The following CTTNBP2NL variants were observed in gnomAD, a reference collection of about 807,000 sequenced individuals.
The protein encoded by CTTNBP2NL is CTTNBP2 N-terminal like.
CTTNBP2NL carries 16 observed loss-of-function variants against 32.5 expected under a neutral mutation model. The ratio of observed to expected loss-of-function variants is 0.49; its 90% CI spans 0.33 to 0.75. The LOEUF is 0.75. CTTNBP2NL is among the 30% of genes least tolerant of loss of function. CTTNBP2NL has a pLI of 0.02. For synonymous variants in CTTNBP2NL, 298 were observed against 289.4 expected, an observed-to-expected ratio of 1.03 and a Z score of -0.30; for missense variants, 645 against 756.0, an observed-to-expected ratio of 0.85 and a Z score of 1.72.
At chr1:112,412,482 T>C (rs182416061) in intron 2 of CTTNBP2NL, among the ~76,000 whole-genome samples, 165 bp downstream of exon 2, 37 of 152,294 alleles carry the variant, frequency 2.4e-4, no homozygotes, top group Non-Finnish European at 2.4e-4. Context: ...TTAATACTTA[T>C]AAATGGTGGT....
upstream of CTTNBP2NL, among the ~76,000 whole-genome samples, chr1:112,393,357 A>T (rs1010239111): frequency 6.6e-6 from 1 of 152,180 alleles, no homozygotes; most frequent in Non-Finnish European, 1.5e-5. Flanking sequence ...AAATTTACTT[A>T]TTTGGAAAAA....
In CTTNBP2NL at chr1:112,457,203, A is replaced by G. The variant is rs776552777; in HGVS notation, c.1711A>G (p.Ile571Val). 37 of 1,614,084 alleles carry G rather than the reference A, an allele frequency of 2.3e-5. No individual in the cohort carries two copies. Among genetic ancestry groups the G allele is most frequent in the Non-Finnish European group, 3.1e-5 (36 of 1,180,010 alleles). ...GTCTCCAGGAATCAAGTCCCCAACC[A>G]TCCCCAGAGCTGAGAGAGGAAACCC... ...PLSPGIKSPT[I>V]PRAERGNPPP... is the part of the protein sequence containing the mutation. Residue 571 changes from isoleucine (I) to valine (V), a missense_variant, in exon 6 of 6, where the codon ATC (isoleucine) becomes GTC (valine). Transcript: ENST00000271277.
chr1:112,394,141 G>C (rs773247415), upstream of CTTNBP2NL, among the ~76,000 whole-genome samples: 1 of 151,682 alleles, frequency 6.6e-6, no homozygotes, highest in East Asian at 1.9e-4. Context: ...AGAAGGCGGA[G>C]GTTGTAGTGA....
At chr1:112,431,845 A>G (rs1353220854) in intron 3 of CTTNBP2NL, among the ~76,000 whole-genome samples, 1 of 152,090 alleles carries the variant, frequency 6.6e-6, no homozygotes, top group Non-Finnish European at 1.5e-5. Context: ...AAATGTATAT[A>G]TATTCTTGGA....
chr1:112,432,126 T>C (rs1649584504), intron 3 of CTTNBP2NL, among the ~76,000 whole-genome samples: 1 of 136,786 alleles, frequency 7.3e-6, no homozygotes, highest in African/African-American at 2.9e-5. Flanking sequence ...CAGGCTGGAG[T>C]GCAGTGGCAT....
At chr1:112,436,493 C>T (rs1160878779) in intron 3 of CTTNBP2NL, among the ~76,000 whole-genome samples, 1 of 152,096 alleles carries the variant, frequency 6.6e-6, no homozygotes, top group African/African-American at 2.4e-5. Flanking sequence ...CTTATCCATC[C>T]ATATCCCAAT....
chr1:112,395,565 T>G (rs1250611390), upstream of CTTNBP2NL, among the ~76,000 whole-genome samples: 1 of 152,144 alleles, frequency 6.6e-6, no homozygotes. Flanking sequence ...CCACACAAAT[T>G]TGCAATTATT....
rs573913398 is a variant in CTTNBP2NL at position 112,452,044 on chromosome 1, T to C, written c.331-2405T>C. ...TTTTAGTCTTTTTATTCCATTTCTG[T>C]AATTTTTGAGGACTCCCAAAAGGGA... is the stretch of plus-strand genomic sequence containing the variant. On this transcript the variant is annotated intron_variant, in intron 4 of 5. Coordinates refer to ENST00000271277, the MANE Select transcript of CTTNBP2NL (RefSeq NM_018704.3). Among the ~76,000 whole-genome samples the C allele has an allele frequency of 6.6e-4, 100 of 152,284 alleles. 2 individuals are homozygous for C. In the South Asian group the frequency reaches 0.019, roughly 30 times the overall value.
chr1:112,428,047 T>C (rs1484459527), intron 3 of CTTNBP2NL, among the ~76,000 whole-genome samples: 1 of 152,106 alleles, frequency 6.6e-6, no homozygotes, highest in South Asian at 2.1e-4. Flanking sequence ...AAATTAAATA[T>C]ATCCTTTAAT....
At chr1:112,415,310 A>G (rs1317739266) in intron 2 of CTTNBP2NL, among the ~76,000 whole-genome samples, 1 of 152,202 alleles carries the variant, frequency 6.6e-6, no homozygotes, top group Admixed American at 6.5e-5. Flanking sequence ...TGTGTTAGCT[A>G]TTGTCTGTGA....
chr1:112,439,575 A>G (rs1434314199), intron 3 of CTTNBP2NL, among the ~76,000 whole-genome samples: 1 of 152,208 alleles, frequency 6.6e-6, no homozygotes, highest in Non-Finnish European at 1.5e-5. Flanking sequence ...AAAATATATT[A>G]ACCTTGAAGT....
chr1:112,408,196 A>G (rs1570716365), intron 1 of CTTNBP2NL, among the ~76,000 whole-genome samples: 2 of 145,022 alleles, frequency 1.4e-5, no homozygotes, highest in Middle Eastern at 7.1e-3. Context: ...TAATCAAAAA[A>G]TTACTTTCTT....
chr1:112,391,854 A>G (rs12036823), upstream of CTTNBP2NL, among the ~76,000 whole-genome samples: 27 of 152,190 alleles, frequency 1.8e-4, no homozygotes, highest in East Asian at 4.8e-3. Context: ...AGCCGGCAGT[A>G]GTGGTGCGCG....
At chr1:112,437,740 G>C (rs182171972) in intron 3 of CTTNBP2NL, among the ~76,000 whole-genome samples, 1 of 152,118 alleles carries the variant, frequency 6.6e-6, no homozygotes, top group South Asian at 2.1e-4. Flanking sequence ...AGCCAGGATG[G>C]TCTCGATCTC....
intron 4 of CTTNBP2NL, among the ~76,000 whole-genome samples, chr1:112,449,706 T>C (rs938981236): frequency 4.0e-5 from 6 of 150,264 alleles, no homozygotes; most frequent in Non-Finnish European, 8.8e-5. Flanking sequence ...ACCTTAAAGG[T>C]GTTCTACTCT....
intron 4 of CTTNBP2NL, among the ~76,000 whole-genome samples, chr1:112,451,200 A>G (rs1374845202): frequency 6.6e-6 from 1 of 151,530 alleles, no homozygotes; most frequent in African/African-American, 2.4e-5. Context: ...TGCTTTATCA[A>G]TTTTAGACAT....
In CTTNBP2NL at chr1:112,421,618, A is replaced by G. The variant is rs76877976; in HGVS notation, c.99+5354A>G. 4.0e-3 allele frequency among the ~76,000 whole-genome samples: 508 copies of G among 128,208 alleles called. 2 individuals carry two copies. The highest frequency in any genetic ancestry group is 0.02 in the African/African-American group (471 of 23,914). The allele number at this position is 128,208 out of a possible 152,430, so 84.1% of individuals were successfully genotyped here. A position where few individuals can be genotyped will look rare whatever the true frequency, so the allele number is the denominator to read the frequency against. On this transcript the variant is annotated intron_variant, in intron 3 of 5. Transcript: ENST00000271277. ...GCCCGGCAAGACCCCCATTTCTACA[A>G]AAAAAAAAAAAAAGGAGAAGAAGAA...
At chr1:112,446,211 A>AC (rs1491056352) in intron 3 of CTTNBP2NL, among the ~76,000 whole-genome samples, 1 of 133,438 alleles carries the variant, frequency 7.5e-6, no homozygotes, top group Non-Finnish European at 1.7e-5. Flanking sequence ...AAAAAAAAAA[A>AC]ACAACATAGC....
At chr1:112,394,892 AATG>A (rs920185267), upstream of CTTNBP2NL, among the ~76,000 whole-genome samples, 12 of 150,324 alleles carry the variant, frequency 8.0e-5, no homozygotes, top group Non-Finnish European at 1.5e-4. Flanking sequence ...AATTGGACAC[AATG>A]ATGTCTATCC....
Sources: gnomAD v4.1 joint callset for allele counts (sites outside exome capture counted in the v4.1 genomes callset) on GRCh38, gnomAD v4.1.1 for gene constraint, MANE v1.5 for transcripts, NCBI Gene and HGNC (gene_info 2026-07-23, HGNC 2026-07-21) for gene names.